Variants in WIPI1 observed in about 807,000 individuals in gnomAD.
WIPI1 encodes WD repeat domain phosphoinositide-interacting protein 1.
A neutral mutation model predicts 55.3 loss-of-function variants in WIPI1; 45 were observed. That is an observed-to-expected ratio of 0.81 (90% CI 0.64 to 1.04). The LOEUF (loss-of-function observed/expected upper bound fraction) is 1.04, where lower values mean the gene tolerates loss of function less well. Ranked by LOEUF, WIPI1 falls within the 50% of genes least tolerant of loss-of-function variation. The pLI is 0.00. For missense variants in WIPI1, 445 were observed against 559.0 expected (o/e 0.80, Z 2.06); for synonymous variants, 195 against 217.6 (o/e 0.90, Z 0.92).
chr17:68,445,717 C>T (rs2084256966), intron 3 of WIPI1, among the ~76,000 whole-genome samples: 2 of 152,196 alleles, frequency 1.3e-5, no homozygotes, highest in Admixed American at 6.5e-5. Flanking sequence ...AGGAATATAA[C>T]GCATAGCCCA....
Position 68,421,510 on chromosome 17 carries a change from AT to A in WIPI1, c.*262del, listed in dbSNP as rs1377188991. On this transcript the variant is annotated 3_prime_UTR_variant, in exon 13 of 13. Transcript: ENST00000262139. ...TATAAAATTCCGGTTATATACCAATATGGTTAATTAGCATTTACACTATAGT... is the reference window on the plus strand; with the variant it reads ...TATAAAATTCCGGTTATATACCAATAGGTTAATTAGCATTTACACTATAGT... 4.1e-6 allele frequency: 2 copies of A among 491,196 alleles called. No homozygotes were observed. Among genetic ancestry groups the A allele is most frequent in the Non-Finnish European group, 7.4e-6 (2 of 270,866 alleles). The allele number at this position is 491,196 out of a possible 1,614,324, so 30.4% of individuals were successfully genotyped here.
At chr17:68,444,371 CCTCA>C (rs2084198825) in intron 4 of WIPI1, 118 bp downstream of exon 4, 1 of 833,008 alleles carries the variant, frequency 1.2e-6, no homozygotes, top group Non-Finnish European at 2.0e-6. Context: ...TCGAGATAAA[CCTCA>C]CTAAGACTCA....
chr17:68,448,948 TTC>T (rs2084389925), intron 3 of WIPI1, among the ~76,000 whole-genome samples: 2 of 152,340 alleles, frequency 1.3e-5, no homozygotes, highest in African/African-American at 4.8e-5. Flanking sequence ...AAGGTCCCAC[TTC>T]TCTTTCTCCA....
intron 8 of WIPI1, 29 bp from the exon 9 acceptor site, chr17:68,430,189 G>T (rs911715853): frequency 3.8e-6 from 6 of 1,593,550 alleles, no homozygotes; most frequent in Admixed American, 3.5e-5. Context: ...GCAACGATGG[G>T]ACTGGGCTGC....
chr17:68,439,574 T>C (rs1293021988), intron 4 of WIPI1, among the ~76,000 whole-genome samples: 1 of 152,186 alleles, frequency 6.6e-6, no homozygotes, highest in Non-Finnish European at 1.5e-5. Context: ...TCCGTGAATA[T>C]ACCAAAAGCT....
intron 4 of WIPI1, among the ~76,000 whole-genome samples, chr17:68,437,267 A>T (rs989007226): frequency 3.9e-5 from 6 of 152,044 alleles, no homozygotes; most frequent in Non-Finnish European, 8.8e-5. Flanking sequence ...AAACTGAGAA[A>T]TTTCAGGCCA....
At chr17:68,421,964 C>T in intron 12 of WIPI1, 144 bp from the exon 13 acceptor site, 1 of 933,924 alleles carries the variant, frequency 1.1e-6, no homozygotes, top group Middle Eastern at 2.2e-4. Context: ...TCGCTCATGG[C>T]CACAGAATGG....
intron 4 of WIPI1, among the ~76,000 whole-genome samples, chr17:68,443,161 A>G (rs948378324): frequency 1.3e-5 from 2 of 152,048 alleles, no homozygotes; most frequent in Non-Finnish European, 2.9e-5. Context: ...CCCAGGCTGG[A>G]GTGCAGTGGT....
At chr17:68,443,365 G>A (rs1247247992) in intron 4 of WIPI1, among the ~76,000 whole-genome samples, 1 of 152,076 alleles carries the variant, frequency 6.6e-6, no homozygotes, top group African/African-American at 2.4e-5. Flanking sequence ...CACCCGCCTC[G>A]GCCTCCCAAT....
chr17:68,439,788 G>C (rs891231745), intron 4 of WIPI1, among the ~76,000 whole-genome samples: 1 of 152,200 alleles, frequency 6.6e-6, no homozygotes, highest in African/African-American at 2.4e-5. Flanking sequence ...CCTGTTTCCT[G>C]TCTGTGAAAT....
At chr17:68,451,021 C>T (rs933018132) in intron 2 of WIPI1, 124 bp from the exon 3 acceptor site, 27 of 1,340,490 alleles carry the variant, frequency 2.0e-5, no homozygotes, top group Admixed American at 6.0e-5. Context: ...GCCGGCCAGG[C>T]GCCCTCTCTG....
chr17:68,429,171 A>G (rs1462158971), intron 9 of WIPI1, among the ~76,000 whole-genome samples: 2 of 152,194 alleles, frequency 1.3e-5, no homozygotes, highest in African/African-American at 4.8e-5. Context: ...AAGTGAGTGT[A>G]GATGCTGCGA....
At chr17:68,442,900 G>A (rs2084139512) in intron 4 of WIPI1, among the ~76,000 whole-genome samples, 1 of 152,142 alleles carries the variant, frequency 6.6e-6, no homozygotes, top group Non-Finnish European at 1.5e-5. Flanking sequence ...GTTGCCTAAT[G>A]GTGCCTACTA....
chr17:68,433,500 T>A lies in WIPI1; in HGVS notation c.768A>T (p.Val256=). ...TGACCTGTTCCAGCTTGAAGATGTG[T>A]ACCGTCTCGGTGTTACTGGAGGCGC... The part of the protein sequence containing the change: ...FLCASSNTET[V]HIFKLEQVTN... The change falls in exon 8 of 13, where the codon GTA becomes GTT. Residue 256 remains valine, a synonymous_variant. Coordinates refer to ENST00000262139, the MANE Select transcript of WIPI1 (RefSeq NM_017983.7). The A allele has an allele frequency of 1.2e-6, 2 of 1,614,108 alleles. No homozygotes were observed. Among genetic ancestry groups the A allele is most frequent in the Non-Finnish European group, 1.7e-6 (2 of 1,180,024 alleles).
At chr17:68,452,048 C>T (rs77098311) in intron 2 of WIPI1, among the ~76,000 whole-genome samples, 1,726 of 152,174 alleles carry the variant, frequency 0.011, 31 homozygotes, top group African/African-American at 0.039. Context: ...TTCCAGGAAA[C>T]TGAAAGGTTG....
intron 4 of WIPI1, among the ~76,000 whole-genome samples, chr17:68,437,948 TAAAAAA>T (rs199649033): frequency 0.044 from 3,462 of 78,846 alleles, 180 homozygotes; most frequent in African/African-American, 0.13. Flanking sequence ...ACATCTCTCT[TAAAAAA>T]AAAAAAAAAA....
intron 12 of WIPI1, among the ~76,000 whole-genome samples, chr17:68,424,049 G>A (rs941967267): frequency 6.6e-6 from 1 of 152,118 alleles, no homozygotes; most frequent in Admixed American, 6.6e-5. Context: ...TCGACTTCAG[G>A]TAAATAACCA....
At position 68,444,500 on chromosome 17, in the gene WIPI1, G is replaced by T. The variant is rs1298255095; in HGVS notation, c.423C>A (p.Asn141Lys). The stretch of plus-strand genomic sequence containing the variant: ...TCCATTTTTGGAGCTCACCTGTTGG[G>T]TTTGCAGGAATATCCAGGAGGGTCT... The part of the protein sequence containing the change: ...LLKTLLDIPA[N>K]PTGLCALSIN... Residue 141 changes from asparagine to lysine, a missense_variant, in exon 4 of 13, where the codon AAC becomes AAA. Asn to Lys is a moderately conservative substitution (Grantham distance 94). Transcript: ENST00000262139. 6.2e-7 allele frequency: 1 copy of T among 1,613,136 alleles called. No homozygotes were observed. The highest frequency in any genetic ancestry group is 1.1e-5 in the South Asian group (1 of 90,786).
chr17:68,450,675 G>T, intron 3 of WIPI1, 53 bp downstream of exon 3: 5 of 1,543,384 alleles, frequency 3.2e-6, no homozygotes, highest in South Asian at 2.5e-5. Flanking sequence ...CCATCTTTTT[G>T]TTTGGCTCCC....
Sources: gnomAD v4.1 joint callset for allele counts (sites outside exome capture counted in the v4.1 genomes callset) on GRCh38, gnomAD v4.1.1 for gene constraint, MANE v1.5 for transcripts, NCBI Gene and HGNC (gene_info 2026-07-23, HGNC 2026-07-21) for gene names.